RASA2: variants seen among roughly 807,000 people sequenced by gnomAD.
RASA2 encodes the protein RAS p21 protein activator 2.
In RASA2, 155 loss-of-function variants were observed where a neutral mutation model predicts 118.2. That is an observed-to-expected ratio of 1.31 (90% CI 1.15 to 1.50). The LOEUF (loss-of-function observed/expected upper bound fraction) is 1.50. RASA2 is among the 40% of genes most tolerant of loss of function. RASA2 has a pLI of 0.00. For synonymous variants in RASA2, 353 were observed against 349.1 expected (o/e 1.01, Z -0.12); for missense variants, 1,016 against 1,009.6 (o/e 1.01, Z -0.09).
chr3:141,506,397 A>T (rs751477404), intron 1 of RASA2, among the ~76,000 whole-genome samples: 1 of 152,250 alleles, frequency 6.6e-6, no homozygotes, highest in Non-Finnish European at 1.5e-5. Context: ...AATTTTTGAA[A>T]TGAGGGATGA....
chr3:141,494,243 A>G (rs998855864), intron 1 of RASA2, among the ~76,000 whole-genome samples: 13 of 152,278 alleles, frequency 8.5e-5, no homozygotes, highest in African/African-American at 2.9e-4. Flanking sequence ...TTTTGGAAAG[A>G]CAATGCTAAA....
At chr3:141,506,809 G>A (rs758404358) in intron 1 of RASA2, among the ~76,000 whole-genome samples, 3 of 151,694 alleles carry the variant, frequency 2.0e-5, no homozygotes, top group African/African-American at 7.3e-5. Context: ...CCAGCTACTC[G>A]GGAGGCTGAG....
chr3:141,577,560 A>G (rs888796415), intron 15 of RASA2, among the ~76,000 whole-genome samples: 2 of 152,196 alleles, frequency 1.3e-5, no homozygotes, highest in East Asian at 1.9e-4. Flanking sequence ...AAAGAAGGCT[A>G]CAAGAGAAAT....
At chr3:141,590,104 A>ACATGCTTCC (rs1480325221) in intron 19 of RASA2, 6 of 456,348 alleles carry the variant, frequency 1.3e-5, no homozygotes, top group African/African-American at 1.2e-4. Flanking sequence ...AAAATATATT[A>ACATGCTTCC]CATGCTTCCC....
intron 19 of RASA2, among the ~76,000 whole-genome samples, chr3:141,605,657 T>TC (rs940939932): frequency 2.6e-5 from 4 of 151,806 alleles, no homozygotes; most frequent in Non-Finnish European, 4.4e-5. Context: ...ATAGGTCTCT[T>TC]CCCCCCCAAT....
At chr3:141,528,662 C>A (rs911432090) in intron 3 of RASA2, among the ~76,000 whole-genome samples, 2 of 151,694 alleles carry the variant, frequency 1.3e-5, no homozygotes, top group African/African-American at 4.8e-5. Context: ...ACCACTAATT[C>A]CAGAGTGAAA....
At chr3:141,575,047 GTAAA>G (rs1174325758) in intron 14 of RASA2, among the ~76,000 whole-genome samples, 14 of 152,152 alleles carry the variant, frequency 9.2e-5, no homozygotes, top group Non-Finnish European at 1.8e-4. Flanking sequence ...TTTCTGATAA[GTAAA>G]TAAACTTGCT....
chr3:141,554,157 A>G (rs143840474), intron 6 of RASA2, among the ~76,000 whole-genome samples: 3 of 152,334 alleles, frequency 2.0e-5, no homozygotes, highest in African/African-American at 4.8e-5. Flanking sequence ...TAAATCTGCC[A>G]TGCTCTTAGG....
intron 1 of RASA2, among the ~76,000 whole-genome samples, chr3:141,507,270 A>G (rs2151076891): frequency 6.6e-6 from 1 of 152,328 alleles, no homozygotes; most frequent in Middle Eastern, 3.4e-3. Context: ...GGGATTTTCT[A>G]ATTTGTTGGA....
rs558782989 is a variant in RASA2 at position 141,487,295 on chromosome 3, G to A, written c.133+79G>A. 259 of 1,200,638 alleles carry A rather than the reference G, an allele frequency of 2.2e-4. 1 individual carries two copies. The African/African-American group carries it at 3.8e-3, about 17-fold the overall frequency. The allele number at this position is 1,200,638 out of a possible 1,614,324, so 74.4% of individuals were successfully genotyped here. A position where few individuals can be genotyped will look rare whatever the true frequency, so the allele number is the denominator to read the frequency against. ...AGGGGGCGGCGGGTTCGCGGCGGTG[G>A]CGGCGCCGAGCTGCGCTGGGATCGC... On this transcript the variant is annotated intron_variant, in intron 1 of 23. Transcript: ENST00000286364.
At chr3:141,529,365 C>T (rs927658499) in intron 3 of RASA2, among the ~76,000 whole-genome samples, 5 of 152,160 alleles carry the variant, frequency 3.3e-5, no homozygotes, top group African/African-American at 1.2e-4. Context: ...GATTAGTTTG[C>T]ACTACCATTG....
At chr3:141,497,337 G>A (rs1039776542) in intron 1 of RASA2, among the ~76,000 whole-genome samples, 2 of 150,354 alleles carry the variant, frequency 1.3e-5, no homozygotes, top group African/African-American at 2.5e-5. Context: ...AAAAAAAAGA[G>A]CGAGTTAGCC....
At chr3:141,487,660 A>C (rs1241795067) in intron 1 of RASA2, among the ~76,000 whole-genome samples, 2 of 147,700 alleles carry the variant, frequency 1.4e-5, no homozygotes, top group Non-Finnish European at 3.0e-5. Flanking sequence ...AATTATACGG[A>C]GGCGCGGCCC....
At chr3:141,523,437 C>T (rs2082141321) in intron 3 of RASA2, among the ~76,000 whole-genome samples, 1 of 152,158 alleles carries the variant, frequency 6.6e-6, no homozygotes. Flanking sequence ...ACCACTGCCT[C>T]CTCCCAGTCC....
At chr3:141,605,192 A>G (rs1486671001) in intron 19 of RASA2, among the ~76,000 whole-genome samples, 6 of 152,218 alleles carry the variant, frequency 3.9e-5, no homozygotes, top group Non-Finnish European at 8.8e-5. Context: ...TACTTGGTGG[A>G]TAACTTTCTA....
At chr3:141,500,618 T>C (rs1477982711) in intron 1 of RASA2, among the ~76,000 whole-genome samples, 1 of 152,232 alleles carries the variant, frequency 6.6e-6, no homozygotes, top group Non-Finnish European at 1.5e-5. Context: ...CATTTTGTGC[T>C]CAGTTAAGTG....
At chr3:141,566,130 T>C (rs2082816837) in intron 9 of RASA2, among the ~76,000 whole-genome samples, 1 of 152,220 alleles carries the variant, frequency 6.6e-6, no homozygotes, top group Non-Finnish European at 1.5e-5. Context: ...CTATTTCTTT[T>C]ATAAAAAGCA....
chr3:141,540,668 G>A (rs577526280), intron 5 of RASA2, 59 bp downstream of exon 5: 61 of 1,426,980 alleles, frequency 4.3e-5, no homozygotes, highest in East Asian at 3.1e-4. Flanking sequence ...GTATTCTTTC[G>A]ATTTTAAGCC....
intron 9 of RASA2, among the ~76,000 whole-genome samples, chr3:141,563,316 A>G (rs2082766141): frequency 6.6e-6 from 1 of 152,082 alleles, no homozygotes. Flanking sequence ...TTTTGTTTTC[A>G]CTTAGAAATG....
Sources: allele counts gnomAD v4.1 joint callset (sites outside exome capture counted in the v4.1 genomes callset), GRCh38; gene constraint gnomAD v4.1.1; transcripts MANE v1.5; gene names NCBI Gene and HGNC (gene_info 2026-07-23, HGNC 2026-07-21).